CSMD1: variants seen among roughly 807,000 people sequenced by gnomAD.
CSMD1 encodes the protein CUB and sushi domain-containing protein 1.
CSMD1 carries 213 observed loss-of-function variants against 417.5 expected under a neutral mutation model. The ratio of observed to expected loss-of-function variants is 0.51; its 90% CI spans 0.46 to 0.57. The LOEUF (loss-of-function observed/expected upper bound fraction) is 0.57, where lower values mean the gene tolerates loss of function less well. Among genes scored for constraint, CSMD1 ranks in the 20% least tolerant of loss-of-function variants. The probability of loss-of-function intolerance (pLI) is 0.00; values close to 1 mark genes in which losing one functional copy is unlikely to be tolerated. For missense variants in CSMD1, 6,923 were observed against 4,529.7 expected (o/e 1.53, Z -15.17); for synonymous variants, 2,862 against 1,736.8 (o/e 1.65, Z -16.11).
At chr8:4,118,232 T>G (rs117976765) in intron 3 of CSMD1, among the ~76,000 whole-genome samples, 419 of 152,258 alleles carry the variant, frequency 2.8e-3, no homozygotes, top group Admixed American at 5.7e-3. Context: ...AGCACATGCT[T>G]TGTTCCAGCA....
At chr8:3,654,565 G>A (rs1002967603) in intron 7 of CSMD1, among the ~76,000 whole-genome samples, 1 of 152,164 alleles carries the variant, frequency 6.6e-6, no homozygotes, top group African/African-American at 2.4e-5. Context: ...GGAGAGTTTA[G>A]GAGAAGAAAA....
chr8:4,119,557 G>A (rs1802360530), intron 3 of CSMD1, among the ~76,000 whole-genome samples: 1 of 149,648 alleles, frequency 6.7e-6, no homozygotes, highest in African/African-American at 2.5e-5. Context: ...GAGGCCTTAA[G>A]GGTGTAGACC....
chr8:4,406,834 G>C (rs1342734552), intron 3 of CSMD1, among the ~76,000 whole-genome samples: 1 of 152,180 alleles, frequency 6.6e-6, no homozygotes, highest in Non-Finnish European at 1.5e-5. Flanking sequence ...GTCAGTTACA[G>C]CAAAACTATT....
chr8:3,294,959 T>A (rs1803855083), intron 25 of CSMD1, among the ~76,000 whole-genome samples: 2 of 152,182 alleles, frequency 1.3e-5, no homozygotes, highest in Admixed American at 1.3e-4. Flanking sequence ...TTTGGCCATC[T>A]TGGCTCCACC....
intron 25 of CSMD1, among the ~76,000 whole-genome samples, chr8:3,306,900 C>G (rs1804901367): frequency 6.6e-6 from 1 of 151,872 alleles, no homozygotes; most frequent in African/African-American, 2.4e-5. Context: ...ATCATCATAA[C>G]TCAGAACTCA....
chr8:4,101,794 G>A (rs1173099347), intron 3 of CSMD1, among the ~76,000 whole-genome samples: 2 of 151,596 alleles, frequency 1.3e-5, no homozygotes, highest in East Asian at 3.9e-4. Context: ...ACAGAAGTCT[G>A]TGAGTTCAAA....
At chr8:3,693,738 T>A (rs149162470) in intron 7 of CSMD1, among the ~76,000 whole-genome samples, 1 of 152,132 alleles carries the variant, frequency 6.6e-6, no homozygotes, top group East Asian at 1.9e-4. Context: ...TTATGCTTGT[T>A]ATGGTGTGTG....
At chr8:4,706,937 C>T (rs1807983290) in intron 1 of CSMD1, among the ~76,000 whole-genome samples, 1 of 152,176 alleles carries the variant, frequency 6.6e-6, no homozygotes, top group Non-Finnish European at 1.5e-5. Flanking sequence ...GAGTAATTTG[C>T]TCATCTGAAG....
rs553032073 is a variant in CSMD1, at chr8:3,263,978, T to A, written c.4153+20166A>T. Reference sequence around the variant, plus strand: ...GCAGCATAAAATTCTATTTTTTGCATCCTCATGAAACTGAAAGATCCTTAA... The same window carrying A: ...GCAGCATAAAATTCTATTTTTTGCAACCTCATGAAACTGAAAGATCCTTAA... On this transcript the variant is annotated intron_variant, in intron 26 of 69. Coordinates refer to ENST00000635120, the MANE Select transcript of CSMD1 (RefSeq NM_033225.6). Among the ~76,000 whole-genome samples, 76 of 152,340 alleles carry A rather than the reference T, an allele frequency of 5.0e-4. 1 individual carries two copies. The South Asian group carries it at 0.014, about 29-fold the overall frequency.
chr8:3,640,564 C>G (rs1328177154), intron 7 of CSMD1, among the ~76,000 whole-genome samples: 3 of 152,118 alleles, frequency 2.0e-5, no homozygotes, highest in East Asian at 1.9e-4. Context: ...CTGGATTGGA[C>G]AAGAGAAAAT....
At position 3,575,884 on chromosome 8, in the gene CSMD1, T is replaced by C. The variant is rs181982203; in HGVS notation, c.1223-818A>G. Among the ~76,000 whole-genome samples, 10 of 151,952 alleles carry C rather than the reference T, an allele frequency of 6.6e-5. No homozygotes were observed. In the East Asian group the frequency reaches 1.7e-3, roughly 27 times the overall value. On this transcript the variant is annotated intron_variant, in intron 9 of 69. Coordinates refer to ENST00000635120, the MANE Select transcript of CSMD1 (RefSeq NM_033225.6). ...AATCAATACACATATTTTAGAAATATAATGTCAGCAGAGACTCTGGTTTTA... is the reference window on the plus strand; with the variant it reads ...AATCAATACACATATTTTAGAAATACAATGTCAGCAGAGACTCTGGTTTTA...
At chr8:2,939,736 C>T (rs13255958) in intron 69 of CSMD1, among the ~76,000 whole-genome samples, 1 of 152,216 alleles carries the variant, frequency 6.6e-6, no homozygotes, top group Non-Finnish European at 1.5e-5. Flanking sequence ...TGGCACATGG[C>T]TCTGAGAAAA....
chr8:4,525,050 T>A (rs1796446847), intron 2 of CSMD1, among the ~76,000 whole-genome samples: 1 of 152,282 alleles, frequency 6.6e-6, no homozygotes. Flanking sequence ...TATTTTCTGT[T>A]AACGATGTCA....
intron 3 of CSMD1, among the ~76,000 whole-genome samples, chr8:4,103,178 C>G (rs868771864): frequency 1.4e-4 from 21 of 151,936 alleles, no homozygotes; most frequent in Admixed American, 3.9e-4. Context: ...AGCACAAAAC[C>G]AGTAACAGCA....
At chr8:3,926,743 G>C (rs1240654807) in intron 5 of CSMD1, among the ~76,000 whole-genome samples, 2 of 112,100 alleles carry the variant, frequency 1.8e-5, no homozygotes, top group East Asian at 2.6e-4. Flanking sequence ...TTTTTATGGA[G>C]TCCCGCTCTG....
intron 3 of CSMD1, among the ~76,000 whole-genome samples, chr8:4,206,101 A>G (rs1799961501): frequency 6.6e-6 from 1 of 152,308 alleles, no homozygotes; most frequent in Non-Finnish European, 1.5e-5. Context: ...TAAATAGGAT[A>G]AACAACGCAG....
At chr8:3,241,277 G>C (rs1799494585) in intron 26 of CSMD1, among the ~76,000 whole-genome samples, 1 of 150,658 alleles carries the variant, frequency 6.6e-6, no homozygotes, top group Non-Finnish European at 1.5e-5. Flanking sequence ...GGAGTTTTAA[G>C]AGGTTTAGAA....
At chr8:4,167,764 A>T (rs1197385886) in intron 3 of CSMD1, among the ~76,000 whole-genome samples, 1 of 152,150 alleles carries the variant, frequency 6.6e-6, no homozygotes, top group Non-Finnish European at 1.5e-5. Flanking sequence ...CCAAGGCAGG[A>T]GGATTGCTTG....
intron 10 of CSMD1, among the ~76,000 whole-genome samples, chr8:3,561,099 C>G (rs1042731269): frequency 1.3e-5 from 2 of 152,196 alleles, no homozygotes; most frequent in Admixed American, 6.5e-5. Context: ...TGAGATGCCA[C>G]CTCACACCAG....
Sources: gnomAD v4.1 joint callset for allele counts (sites outside exome capture counted in the v4.1 genomes callset) on GRCh38, gnomAD v4.1.1 for gene constraint, MANE v1.5 for transcripts, NCBI Gene and HGNC (gene_info 2026-07-23, HGNC 2026-07-21) for gene names.